The following TRPC4AP variants were observed in gnomAD, a reference collection of about 807,000 sequenced individuals.
TRPC4AP encodes short transient receptor potential channel 4-associated protein.
TRPC4AP carries 45 observed loss-of-function variants against 99.0 expected under a neutral mutation model. The ratio of observed to expected loss-of-function variants is 0.45; its 90% confidence interval spans 0.36 to 0.58. The LOEUF is 0.58. Ranked by LOEUF, TRPC4AP falls within the 20% of genes least tolerant of loss-of-function variation. TRPC4AP has a pLI of 0.00. For synonymous variants in TRPC4AP, 408 were observed against 385.8 expected (o/e 1.06, Z -0.67); for missense variants, 879 against 985.3 (o/e 0.89, Z 1.44).
chr20:35,022,981 C>G (rs906035710), intron 8 of TRPC4AP, among the ~76,000 whole-genome samples: 1 of 150,602 alleles, frequency 6.6e-6, no homozygotes, highest in Non-Finnish European at 1.5e-5. Context: ...CAACAGAGAT[C>G]GTGCCACTGC....
At chr20:35,051,398 C>G (rs1167557925) in intron 5 of TRPC4AP, among the ~76,000 whole-genome samples, 1 of 152,162 alleles carries the variant, frequency 6.6e-6, no homozygotes. Flanking sequence ...GCCTCAATCA[C>G]CTGGGCTCAA....
chr20:35,009,083 T>G (rs2082576526), intron 12 of TRPC4AP, among the ~76,000 whole-genome samples: 1 of 152,180 alleles, frequency 6.6e-6, no homozygotes, highest in Non-Finnish European at 1.5e-5. Context: ...GGAAAGACTC[T>G]GCCAATAGGG....
chr20:35,069,815 C>T (rs2084257041), intron 2 of TRPC4AP, among the ~76,000 whole-genome samples: 1 of 152,178 alleles, frequency 6.6e-6, no homozygotes, highest in Non-Finnish European at 1.5e-5. Context: ...GTGCTACACA[C>T]CTGTAATCCC....
At chr20:35,091,293 C>CA in intron 1 of TRPC4AP, among the ~76,000 whole-genome samples, 1 of 151,986 alleles carries the variant, frequency 6.6e-6, no homozygotes, top group Middle Eastern at 3.2e-3. Context: ...CTTAAGAACA[C>CA]AAGGGGGAAA....
rs780020090 is a variant in TRPC4AP at position 35,005,690 on chromosome 20, T to A, written c.1936+5A>T. Reference sequence around the variant, plus strand: ...ACTTGCCTTGACAGCCTGCCTTTCATGTACCTTTCATATCCACCTGGTTTT... The same window carrying A: ...ACTTGCCTTGACAGCCTGCCTTTCAAGTACCTTTCATATCCACCTGGTTTT... On this transcript the variant is annotated splice_donor_5th_base_variant and intron_variant, in intron 16 of 18. Transcript: ENST00000252015. 1 of 1,613,836 alleles carries A rather than the reference T, an allele frequency of 6.2e-7. No individual in the cohort carries two copies. Among genetic ancestry groups the A allele is most frequent in the Non-Finnish European group, 8.5e-7 (1 of 1,179,706 alleles).
chr20:35,081,319 C>A (rs1257676372), intron 1 of TRPC4AP, among the ~76,000 whole-genome samples: 2 of 151,642 alleles, frequency 1.3e-5, no homozygotes. Context: ...TAAAGACCAG[C>A]CTAGGCAACA....
At position 35,078,026 on chromosome 20, in the gene TRPC4AP, C is replaced by G. The variant is rs748177511; in HGVS notation, c.297+20G>C. The G allele has an allele frequency of 1.1e-5, 18 of 1,597,696 alleles. 1 individual carries two copies. The highest frequency in any genetic ancestry group is 1.7e-4 in the Middle Eastern group (1 of 5,958). ...ACCTAGAGGCCCTGAATACGCCCCT[C>G]CAAGGTCCTTAAGAGTTACCTTGAG... On this transcript the variant is annotated intron_variant, in intron 2 of 18. Coordinates refer to ENST00000252015, the MANE Select transcript of TRPC4AP (RefSeq NM_015638.3).
chr20:35,023,305 C>T (rs2082938500), intron 8 of TRPC4AP, among the ~76,000 whole-genome samples: 1 of 152,158 alleles, frequency 6.6e-6, no homozygotes, highest in African/African-American at 2.4e-5. Flanking sequence ...ACAACCATAC[C>T]TACCCCTTAA....
intron 14 of TRPC4AP, 68 bp from the exon 15 acceptor site, chr20:35,006,643 A>C (rs2082524306): frequency 6.6e-5 from 103 of 1,566,858 alleles, no homozygotes; most frequent in Non-Finnish European, 8.3e-5. Flanking sequence ...CATGGAGCTC[A>C]GACCATGCAT....
intron 2 of TRPC4AP, among the ~76,000 whole-genome samples, chr20:35,073,394 G>A (rs2084377684): frequency 6.6e-6 from 1 of 152,114 alleles, no homozygotes; most frequent in Non-Finnish European, 1.5e-5. Flanking sequence ...TGCCCATTCA[G>A]TATGATATTG....
chr20:35,003,594 G>A lies in TRPC4AP; in HGVS notation c.2072C>T (p.Thr691Ile). ...LTQENVSCLN[T>I]SLVILMLARR... Reference sequence around the variant, plus strand: ...GGCCAGCATCAGGATCACCAGGCTGGTGTTGAGGCAGCTGACGTTCTCCTG... The same window carrying A: ...GGCCAGCATCAGGATCACCAGGCTGATGTTGAGGCAGCTGACGTTCTCCTG... Residue 691 changes from threonine to isoleucine, a missense_variant, in exon 18 of 19, where the codon ACC (threonine) becomes ATC (isoleucine). By Grantham distance (89) the Thr-to-Ile change is moderately conservative (BLOSUM62 -1). Transcript: ENST00000252015. The A allele has an allele frequency of 1.2e-6, 2 of 1,613,934 alleles. No individual in the cohort carries two copies. The highest frequency in any genetic ancestry group is 1.7e-6 in the Non-Finnish European group (2 of 1,179,984).
In TRPC4AP at chr20:35,003,545, CA is replaced by C; in HGVS notation, c.2120del (p.Leu707ArgfsTer44). The part of the protein sequence containing the change: ...MLARRKERLP[L>X]YLRLLQRMEH... ...CCATCCGCTGCAGCAGCCGCAGGTA[CA>C]GGGGCAGCCGCTCTTTCCGTCGGGC... is the stretch of plus-strand genomic sequence containing the variant. On this transcript the variant is annotated frameshift_variant, in exon 18 of 19. Coordinates refer to ENST00000252015, the MANE Select transcript of TRPC4AP (RefSeq NM_015638.3). LOFTEE classifies it high-confidence loss of function. The C allele has an allele frequency of 6.2e-7, 1 of 1,613,462 alleles. No homozygotes were observed. The highest frequency in any genetic ancestry group is 8.5e-7 in the Non-Finnish European group (1 of 1,179,910).
At chr20:35,033,144 A>G (rs2083240643) in intron 8 of TRPC4AP, among the ~76,000 whole-genome samples, 1 of 152,158 alleles carries the variant, frequency 6.6e-6, no homozygotes, top group African/African-American at 2.4e-5. Context: ...CAGTGAGCCG[A>G]GATTGTGCCA....
chr20:35,057,066 A>G (rs1025724955), intron 4 of TRPC4AP, among the ~76,000 whole-genome samples: 11 of 152,088 alleles, frequency 7.2e-5, no homozygotes, highest in Middle Eastern at 3.4e-3. Context: ...TATTACCCAT[A>G]TATCTACCAC....
chr20:35,051,978 A>G (rs536610012), intron 5 of TRPC4AP, among the ~76,000 whole-genome samples: 1 of 152,260 alleles, frequency 6.6e-6, no homozygotes, highest in African/African-American at 2.4e-5. Flanking sequence ...CCTTTCCTCT[A>G]TATCACAAGT....
chr20:35,074,770 T>C (rs552971800), intron 2 of TRPC4AP, among the ~76,000 whole-genome samples: 13 of 152,310 alleles, frequency 8.5e-5, no homozygotes, highest in African/African-American at 2.6e-4. Context: ...GAGAGTTCTG[T>C]AGATGTCTAT....
intron 8 of TRPC4AP, among the ~76,000 whole-genome samples, chr20:35,031,415 T>TTTC (rs1555907105): frequency 3.9e-4 from 43 of 109,666 alleles, no homozygotes; most frequent in Non-Finnish European, 6.0e-4. Flanking sequence ...TTTTTTTTTT[T>TTTC]CAAAGAGATG....
rs558927194 is a variant in TRPC4AP at position 35,014,775 on chromosome 20, C to A, written c.1350+1233G>T. ...CGATGGCTGGGTGGCACTTTTAGGT[C>A]CCAGAGCACTTTCCTTCTCATGCTG... On this transcript the variant is annotated intron_variant, in intron 10 of 18. Coordinates refer to ENST00000252015, the MANE Select transcript of TRPC4AP (RefSeq NM_015638.3). Among the ~76,000 whole-genome samples the A allele has an allele frequency of 3.3e-5, 5 of 152,272 alleles. No individual in the cohort carries two copies. In the South Asian group the frequency reaches 1.0e-3, roughly 32 times the overall value.
In TRPC4AP at chr20:35,092,641, G is replaced by A. The variant is rs1186982864; in HGVS notation, c.141C>T (p.Thr47=). 2 of 1,421,868 alleles carry A rather than the reference G, an allele frequency of 1.4e-6. No homozygotes were observed. The highest frequency in any genetic ancestry group is 1.5e-5 in the African/African-American group (1 of 66,350). The allele number at this position is 1,421,868 out of a possible 1,614,324, so 88.1% of individuals were successfully genotyped here. Residue 47 remains threonine (T), a synonymous_variant, in exon 1 of 19, where the codon ACC becomes ACT. Transcript: ENST00000252015. ...ILLQLRQGQL[T]GRGLVRAVQF... is the part of the protein sequence containing the mutation. Reference sequence around the variant, plus strand: ...GCACCGCCCGGACCAGGCCCCGGCCGGTCAGCTGGCCCTGCCGCAGCTGCA... The same window carrying A: ...GCACCGCCCGGACCAGGCCCCGGCCAGTCAGCTGGCCCTGCCGCAGCTGCA...
Sources: allele counts gnomAD v4.1 joint callset (sites outside exome capture counted in the v4.1 genomes callset), GRCh38; gene constraint gnomAD v4.1.1; transcripts MANE v1.5; gene names NCBI Gene and HGNC (gene_info 2026-07-23, HGNC 2026-07-21).